Variants in TMEM165 observed in about 807,000 individuals in gnomAD.
TMEM165 encodes the protein putative divalent cation/proton antiporter TMEM165.
TMEM165 carries 19 observed loss-of-function variants against 30.0 expected under a neutral mutation model. The observed-to-expected ratio is 0.63, with a 90% CI of 0.44 to 0.93. The LOEUF (loss-of-function observed/expected upper bound fraction) is 0.93, where lower values mean the gene tolerates loss of function less well. Ranked by LOEUF, TMEM165 falls within the 40% of genes least tolerant of loss-of-function variation. The pLI is 0.00. For missense variants in TMEM165, 340 were observed against 417.0 expected, an observed-to-expected ratio of 0.82 and a Z score of 1.61; for synonymous variants, 168 against 162.9, an observed-to-expected ratio of 1.03 and a Z score of -0.24.
intron 1 of TMEM165, among the ~76,000 whole-genome samples, chr4:55,405,433 G>A (rs1170927966): frequency 7.0e-6 from 1 of 142,086 alleles, no homozygotes; most frequent in Non-Finnish European, 1.6e-5. Context: ...CTAAACTCTG[G>A]TGATCCATTT....
chr4:55,415,117 T>C (rs1411989373), intron 2 of TMEM165, among the ~76,000 whole-genome samples: 1 of 152,218 alleles, frequency 6.6e-6, no homozygotes, highest in Non-Finnish European at 1.5e-5. Context: ...AATTAGATCT[T>C]TCATTGATGC....
At chr4:55,443,807 A>T in intron 3 of TMEM165, 1 of 1,614,076 alleles carries the variant, frequency 6.2e-7, no homozygotes, top group Non-Finnish European at 8.5e-7. Flanking sequence ...GCATATTTAT[A>T]GGTGCAAGTT....
Position 55,425,362 on chromosome 4 carries a change from T to C in TMEM165, c.899-14T>C, listed in dbSNP as rs763242634. The C allele has an allele frequency of 1.2e-6, 2 of 1,608,558 alleles. No individual in the cohort carries two copies. The highest frequency in any genetic ancestry group is 2.2e-5 in the East Asian group (1 of 44,832). On this transcript the variant is annotated splice_polypyrimidine_tract_variant and intron_variant, in intron 5 of 5. Coordinates refer to ENST00000381334, the MANE Select transcript of TMEM165 (RefSeq NM_018475.5). ...GAATTTTACTGTATTTGACTTTTTT[T>C]CTCTCTCTTCCAGTGACAATCATAG...
chr4:55,396,342 G>T lies in TMEM165; in HGVS notation c.153G>T (p.Gln51His). Residue 51 changes from glutamine (Q) to histidine (H), a missense_variant, in exon 1 of 6, where the codon CAG (glutamine) becomes CAT (histidine). Gln to His is a conservative substitution (Grantham distance 24). Coordinates refer to ENST00000381334, the MANE Select transcript of TMEM165 (RefSeq NM_018475.5). ...HRNKEPPAPA[Q>H]QLQPQPVAVQ... ...ACAAAGAACCGCCGGCGCCGGCCCA[G>T]CAGCTGCAGCCGCAGCCTGTGGCTG... is the stretch of plus-strand genomic sequence containing the variant. The T allele has an allele frequency of 6.6e-7, 1 of 1,514,640 alleles. No individual in the cohort carries two copies. Among genetic ancestry groups the T allele is most frequent in the Non-Finnish European group, 8.8e-7 (1 of 1,136,400 alleles). The allele number at this position is 1,514,640 out of a possible 1,614,324, so 93.8% of individuals were successfully genotyped here. A position where few individuals can be genotyped will look rare whatever the true frequency, so the allele number is the denominator to read the frequency against.
exon 4 of TMEM165, chr4:55,452,946 G>A: frequency 1.3e-6 from 1 of 786,344 alleles, no homozygotes; most frequent in Non-Finnish European, 2.1e-6. Flanking sequence ...CCCGTTATAA[G>A]TGAGGAAATA....
At chr4:55,405,835 G>T (rs1721247384) in intron 1 of TMEM165, among the ~76,000 whole-genome samples, 1 of 152,174 alleles carries the variant, frequency 6.6e-6, no homozygotes, top group South Asian at 2.1e-4. Context: ...AATATGTAAT[G>T]ACTTCCCTCT....
intron 3 of TMEM165, 28 bp downstream of exon 3, chr4:55,417,275 C>CA: frequency 6.3e-7 from 1 of 1,591,322 alleles, no homozygotes; most frequent in Non-Finnish European, 8.5e-7. Flanking sequence ...TGATCTGGAC[C>CA]AAAAAGGCAC....
chr4:55,449,379 T>A, intron 3 of TMEM165: 1 of 1,586,960 alleles, frequency 6.3e-7, no homozygotes. Context: ...CAGAAGAATA[T>A]CCACTAAAGA....
chr4:55,437,353 T>C, intron 3 of TMEM165, among the ~76,000 whole-genome samples: 1 of 152,184 alleles, frequency 6.6e-6, no homozygotes, highest in South Asian at 2.1e-4. Flanking sequence ...CAGACTAGCC[T>C]ACATTCAAAA....
chr4:55,417,390 C>T, intron 3 of TMEM165, 143 bp downstream of exon 3: 2 of 827,492 alleles, frequency 2.4e-6, no homozygotes, highest in Non-Finnish European at 3.6e-6. Context: ...GTTCTTATAC[C>T]TGTCTGTGAT....
intron 1 of TMEM165, among the ~76,000 whole-genome samples, chr4:55,403,931 A>G (rs948066323): frequency 2.0e-5 from 3 of 151,758 alleles, no homozygotes; most frequent in East Asian, 3.9e-4. Context: ...CTGCTTACAC[A>G]TGTTCATATG....
At chr4:55,398,112 G>T (rs755139756) in intron 1 of TMEM165, among the ~76,000 whole-genome samples, 18 of 152,186 alleles carry the variant, frequency 1.2e-4, no homozygotes, top group Non-Finnish European at 2.2e-4. Context: ...GTGTAAGACC[G>T]TAGGATAGAA....
Position 55,417,884 on chromosome 4 carries a change from C to T in TMEM165, c.691C>T (p.His231Tyr). Residue 231 changes from histidine (H) to tyrosine (Y), a missense_variant, in exon 4 of 6, where the codon CAT becomes TAT. By Grantham distance (83) the His-to-Tyr change is moderately conservative. Coordinates refer to ENST00000381334, the MANE Select transcript of TMEM165 (RefSeq NM_018475.5). ...SITVPQKKWL[H>Y]FISPIFVQAL... ...AACAGTACCTCAGAAAAAGTGGTTG[C>T]ATTTTATTTCACCCATTTTTGTTCA... 1 of 1,613,966 alleles carries T rather than the reference C, an allele frequency of 6.2e-7. No homozygotes were observed. The highest frequency in any genetic ancestry group is 8.5e-7 in the Non-Finnish European group (1 of 1,179,908).
intron 3 of TMEM165, chr4:55,449,469 G>T: frequency 6.2e-7 from 1 of 1,613,960 alleles, no homozygotes; most frequent in South Asian, 1.1e-5. Flanking sequence ...TGGAGTGCTC[G>T]TATCCGTCGG....
chr4:55,431,485 TAA>T (rs1472850349), intron 3 of TMEM165: 1 of 152,210 alleles, frequency 6.6e-6, no homozygotes, highest in Non-Finnish European at 1.5e-5. Context: ...TCCAAACACT[TAA>T]AATGGCAAGT....
chr4:55,400,052 T>C (rs1342918355), intron 1 of TMEM165, among the ~76,000 whole-genome samples: 3 of 143,016 alleles, frequency 2.1e-5, no homozygotes, highest in Non-Finnish European at 1.5e-5. Context: ...ACTATGTTGC[T>C]CAGCCTGCCC....
At chr4:55,402,124 A>AAAAAAAAAAAAAAAAAAAAAAAGAAAC (rs1553885133) in intron 1 of TMEM165, among the ~76,000 whole-genome samples, 1 of 147,248 alleles carries the variant, frequency 6.8e-6, no homozygotes, top group African/African-American at 2.6e-5. Flanking sequence ...GTCTCCAAAA[A>AAAAAAAAAAAAAAAAAAAAAAAGAAAC]AAAAAAAGAA....
intron 1 of TMEM165, among the ~76,000 whole-genome samples, chr4:55,405,718 C>G (rs924867183): frequency 3.3e-5 from 5 of 152,084 alleles, no homozygotes. Context: ...TTTGTCTTAA[C>G]ACGGGTTTCA....
chr4:55,406,041 A>G (rs917459096), intron 1 of TMEM165, among the ~76,000 whole-genome samples: 1 of 152,258 alleles, frequency 6.6e-6, no homozygotes, highest in African/African-American at 2.4e-5. Flanking sequence ...ATGAGTGACT[A>G]GTACTGAATC....
Sources: allele counts gnomAD v4.1 joint callset (sites outside exome capture counted in the v4.1 genomes callset), GRCh38; gene constraint gnomAD v4.1.1; transcripts MANE v1.5; gene names NCBI Gene and HGNC (gene_info 2026-07-23, HGNC 2026-07-21).